LHFPL3: variants seen among roughly 807,000 people sequenced by gnomAD.
LHFPL3 encodes LHFPL tetraspan subfamily member 3.
In LHFPL3, 5 loss-of-function variants were observed where a neutral mutation model predicts 19.3. That is an observed-to-expected ratio of 0.26 (90% CI 0.14 to 0.54). The LOEUF is 0.54. LHFPL3 is among the 20% of genes least tolerant of loss of function. LHFPL3 has a pLI of 0.94. For missense variants in LHFPL3, 249 were observed against 307.4 expected (o/e 0.81, Z 1.42); for synonymous variants, 133 against 126.2 (o/e 1.05, Z -0.36).
At chr7:104,854,126 G>C (rs1791458262) in intron 2 of LHFPL3, among the ~76,000 whole-genome samples, 1 of 152,130 alleles carries the variant, frequency 6.6e-6, no homozygotes, top group Admixed American at 6.5e-5. Flanking sequence ...GTATACATAG[G>C]AGATACCCAG....
intron 1 of LHFPL3, among the ~76,000 whole-genome samples, chr7:104,606,168 C>T (rs938531043): frequency 6.6e-6 from 1 of 152,228 alleles, no homozygotes. Context: ...GCCAAAAAGA[C>T]GTGTTTAGAT....
At chr7:104,564,064 T>A (rs899275958) in intron 1 of LHFPL3, among the ~76,000 whole-genome samples, 1 of 152,206 alleles carries the variant, frequency 6.6e-6, no homozygotes, top group African/African-American at 2.4e-5. Context: ...CATTTGATCC[T>A]CTCAACAATC....
At chr7:104,519,596 T>G (rs1226629046) in intron 1 of LHFPL3, among the ~76,000 whole-genome samples, 1 of 152,170 alleles carries the variant, frequency 6.6e-6, no homozygotes, top group African/African-American at 2.4e-5. Context: ...TTTGTTTGCT[T>G]AATTCATTTG....
chr7:104,585,762 G>T (rs934733120), intron 1 of LHFPL3, among the ~76,000 whole-genome samples: 2 of 152,062 alleles, frequency 1.3e-5, no homozygotes, highest in Admixed American at 1.3e-4. Flanking sequence ...TAATTCTGGG[G>T]CAAATGCTTT....
chr7:104,513,453 C>T (rs866848500), intron 1 of LHFPL3, among the ~76,000 whole-genome samples: 6 of 152,132 alleles, frequency 3.9e-5, no homozygotes, highest in African/African-American at 1.4e-4. Flanking sequence ...GAAGAGAGAA[C>T]GTGAGGGAGA....
chr7:104,650,849 A>G (rs1041397015), intron 1 of LHFPL3, among the ~76,000 whole-genome samples: 2 of 152,206 alleles, frequency 1.3e-5, no homozygotes, highest in African/African-American at 4.8e-5. Context: ...ATGGTGACTC[A>G]AAATTTCTAT....
chr7:104,462,469 C>A (rs567587396), intron 1 of LHFPL3, among the ~76,000 whole-genome samples: 24 of 152,256 alleles, frequency 1.6e-4, no homozygotes, highest in African/African-American at 5.8e-4. Flanking sequence ...GCCTTTTCTG[C>A]AGCTATTGAG....
At chr7:104,571,987 G>C (rs140800595) in intron 1 of LHFPL3, among the ~76,000 whole-genome samples, 4 of 152,270 alleles carry the variant, frequency 2.6e-5, no homozygotes, top group South Asian at 2.1e-4. Flanking sequence ...TTTTCTCCCA[G>C]AGTTAACCAC....
chr7:104,495,406 C>T (rs550310120), intron 1 of LHFPL3, among the ~76,000 whole-genome samples: 20 of 152,142 alleles, frequency 1.3e-4, no homozygotes, highest in African/African-American at 2.2e-4. Flanking sequence ...TTTTTTGAGA[C>T]GGAGTCTTGC....
chr7:104,693,790 TGG>T (rs201042172), intron 1 of LHFPL3, among the ~76,000 whole-genome samples: 5 of 89,734 alleles, frequency 5.6e-5, no homozygotes, highest in East Asian at 4.0e-4. Flanking sequence ...CTGCTAATTG[TGG>T]GGTTTTTTTT....
intron 1 of LHFPL3, among the ~76,000 whole-genome samples, chr7:104,476,522 A>G (rs1459179465): frequency 6.6e-6 from 1 of 151,518 alleles, no homozygotes; most frequent in African/African-American, 2.4e-5. Context: ...TGCAAATGGC[A>G]CGATCTCGGC....
chr7:104,706,339 C>T (rs925487573), intron 1 of LHFPL3, among the ~76,000 whole-genome samples: 3 of 152,080 alleles, frequency 2.0e-5, no homozygotes, highest in Admixed American at 2.0e-4. Flanking sequence ...CTGACAAGGA[C>T]ACTGACTATA....
In LHFPL3 at chr7:104,835,574, CTTTG is replaced by C. The variant is rs201965689; in HGVS notation, c.683-70609_683-70606del. On this transcript the variant is annotated intron_variant, in intron 2 of 2. Coordinates refer to ENST00000424859, the MANE Select transcript of LHFPL3 (RefSeq NM_199000.3). ...TAGACAAAATTCCTGTTCTCCAGAA[CTTTG>C]TTTTCTTTTTTTTTTTTTGAGATGA... Among the ~76,000 whole-genome samples, 153 of 96,494 alleles carry C rather than the reference CTTTG, an allele frequency of 1.6e-3. 5 individuals are homozygous for C. The East Asian group carries it at 0.027, about 17-fold the overall frequency. 63.3% of individuals were successfully genotyped at this position (96,494 alleles called of 152,430 possible).
intron 1 of LHFPL3, among the ~76,000 whole-genome samples, chr7:104,517,896 T>C (rs1012858288): frequency 6.6e-6 from 1 of 152,008 alleles, no homozygotes; most frequent in Non-Finnish European, 1.5e-5. Flanking sequence ...GGGATAACAT[T>C]AGGAGAAATA....
intron 1 of LHFPL3, among the ~76,000 whole-genome samples, chr7:104,633,565 C>A (rs948364188): frequency 3.3e-5 from 5 of 152,306 alleles, no homozygotes; most frequent in Non-Finnish European, 7.3e-5. Context: ...AAAGAAATCA[C>A]CTCGGCTTGC....
At chr7:104,857,741 G>A (rs1791536421) in intron 2 of LHFPL3, among the ~76,000 whole-genome samples, 1 of 152,202 alleles carries the variant, frequency 6.6e-6, no homozygotes, top group African/African-American at 2.4e-5. Flanking sequence ...TTTTTAACAT[G>A]TTTTGATGTG....
intron 2 of LHFPL3, among the ~76,000 whole-genome samples, chr7:104,771,289 A>G (rs6950059): frequency 0.092 from 13,954 of 152,184 alleles, 783 homozygotes; most frequent in African/African-American, 0.15. Flanking sequence ...ACTTGTTCAG[A>G]TATGTGTTTC....
At chr7:104,520,898 G>C (rs1794045494) in intron 1 of LHFPL3, among the ~76,000 whole-genome samples, 1 of 150,062 alleles carries the variant, frequency 6.7e-6, no homozygotes, top group Admixed American at 6.7e-5. Flanking sequence ...CAAAAAACTA[G>C]CTCCTGGATT....
At chr7:104,794,221 T>G (rs1790074946) in intron 2 of LHFPL3, among the ~76,000 whole-genome samples, 1 of 152,216 alleles carries the variant, frequency 6.6e-6, no homozygotes, top group South Asian at 2.1e-4. Context: ...AACCCTAGTT[T>G]CTTTCACAAA....
Sources: gnomAD v4.1 joint callset for allele counts (sites outside exome capture counted in the v4.1 genomes callset) on GRCh38, gnomAD v4.1.1 for gene constraint, MANE v1.5 for transcripts, NCBI Gene and HGNC (gene_info 2026-07-23, HGNC 2026-07-21) for gene names.